Variants in SUGCT observed in about 807,000 individuals in gnomAD.
The protein encoded by SUGCT is succinyl-CoA:glutarate-CoA transferase, also known as succinyl-CoA:glutarate CoA-transferase.
Under a neutral mutation model 55.0 loss-of-function variants are expected in SUGCT, and 41 were observed. The observed-to-expected ratio is 0.74, with a 90% CI of 0.58 to 0.97. SUGCT has a LOEUF of 0.97. Among genes scored for constraint, SUGCT ranks in the 50% least tolerant of loss-of-function variants. The pLI is 0.00. For synonymous variants in SUGCT, 187 were observed against 200.4 expected, an observed-to-expected ratio of 0.93 and a Z score of 0.56; for missense variants, 568 against 547.8, an observed-to-expected ratio of 1.04 and a Z score of -0.37.
intron 13 of SUGCT, among the ~76,000 whole-genome samples, chr7:40,777,342 C>T (rs774013549): frequency 2.0e-5 from 3 of 151,876 alleles, no homozygotes; most frequent in Non-Finnish European, 4.4e-5. Flanking sequence ...CCATGGGCAT[C>T]GGGATCAACT....
chr7:40,258,385 T>C, intron 7 of SUGCT, among the ~76,000 whole-genome samples: 1 of 152,186 alleles, frequency 6.6e-6, no homozygotes, highest in Non-Finnish European at 1.5e-5. Context: ...GTTTTTAATT[T>C]TTTTTCTTTT....
At chr7:40,666,988 G>C (rs1381380332) in intron 12 of SUGCT, among the ~76,000 whole-genome samples, 1 of 151,686 alleles carries the variant, frequency 6.6e-6, no homozygotes, top group Non-Finnish European at 1.5e-5. Context: ...GGGGTTGCAC[G>C]CCTGTGATCC....
At chr7:40,551,305 G>A (rs186559695) in intron 12 of SUGCT, among the ~76,000 whole-genome samples, 202 of 152,222 alleles carry the variant, frequency 1.3e-3, no homozygotes, top group Non-Finnish European at 1.6e-3. Context: ...TGAATATAAC[G>A]TTCTATTTAT....
At chr7:40,148,418 G>A (rs1158032109) in intron 1 of SUGCT, among the ~76,000 whole-genome samples, 1 of 152,136 alleles carries the variant, frequency 6.6e-6, no homozygotes, top group African/African-American at 2.4e-5. Flanking sequence ...GCTGAGGTGG[G>A]CGGATCACCT....
chr7:40,513,797 T>TC (rs1038170495), intron 12 of SUGCT, among the ~76,000 whole-genome samples: 1 of 147,968 alleles, frequency 6.8e-6, no homozygotes, highest in African/African-American at 2.5e-5. Flanking sequence ...TTTTTTTTTT[T>TC]TTTTTTTTTG....
intron 9 of SUGCT, among the ~76,000 whole-genome samples, chr7:40,407,113 AAAC>A (rs1786413280): frequency 6.6e-6 from 1 of 152,214 alleles, no homozygotes. Context: ...ACAACAAAGA[AAAC>A]AAAATATGAA....
intron 6 of SUGCT, among the ~76,000 whole-genome samples, chr7:40,226,612 G>A (rs553819037): frequency 1.3e-5 from 2 of 150,902 alleles, no homozygotes; most frequent in Non-Finnish European, 2.9e-5. Flanking sequence ...CAGGTGTAGG[G>A]TATCCAAAGT....
intron 9 of SUGCT, among the ~76,000 whole-genome samples, chr7:40,443,836 T>C (rs1261196482): frequency 6.6e-6 from 1 of 152,212 alleles, no homozygotes; most frequent in Non-Finnish European, 1.5e-5. Context: ...TGTTTTCTTC[T>C]AGGGTTTTTA....
intron 12 of SUGCT, among the ~76,000 whole-genome samples, chr7:40,717,251 G>A (rs1245143913): frequency 6.6e-6 from 1 of 152,180 alleles, no homozygotes; most frequent in Non-Finnish European, 1.5e-5. Context: ...ACACGACCAG[G>A]AAAGATTAGG....
At chr7:40,783,808 T>C (rs1257381963) in intron 13 of SUGCT, among the ~76,000 whole-genome samples, 2 of 152,208 alleles carry the variant, frequency 1.3e-5, no homozygotes, top group Non-Finnish European at 2.9e-5. Flanking sequence ...CTCTAAACTT[T>C]AGACATTTCT....
intron 12 of SUGCT, among the ~76,000 whole-genome samples, chr7:40,601,285 T>C (rs1259258079): frequency 6.6e-6 from 1 of 152,190 alleles, no homozygotes; most frequent in Non-Finnish European, 1.5e-5. Context: ...TTACCTTTTG[T>C]CTTGTATTGA....
intron 8 of SUGCT, among the ~76,000 whole-genome samples, chr7:40,300,922 G>T (rs1214320196): frequency 6.6e-6 from 1 of 152,160 alleles, no homozygotes; most frequent in African/African-American, 2.4e-5. Context: ...GTGAAGTGAT[G>T]GCCATAAAAT....
intron 9 of SUGCT, among the ~76,000 whole-genome samples, chr7:40,385,887 C>T (rs1785096974): frequency 6.6e-6 from 1 of 152,184 alleles, no homozygotes; most frequent in Admixed American, 6.5e-5. Flanking sequence ...AAAGTCCTTT[C>T]TTGCCAATTT....
At chr7:40,411,040 T>TA (rs1194101357) in intron 9 of SUGCT, among the ~76,000 whole-genome samples, 1 of 152,082 alleles carries the variant, frequency 6.6e-6, no homozygotes, top group South Asian at 2.1e-4. Context: ...CTGATTAAGC[T>TA]AAAAAAATAT....
chr7:40,264,522 G>A (rs529134586), intron 7 of SUGCT, among the ~76,000 whole-genome samples: 10 of 152,200 alleles, frequency 6.6e-5, no homozygotes, highest in Non-Finnish European at 1.3e-4. Context: ...TGCAGTGACT[G>A]TGAGGACTCA....
chr7:40,990,148 G>A, the SUGCT span, among the ~76,000 whole-genome samples: 7 of 152,176 alleles, frequency 4.6e-5, no homozygotes, highest in African/African-American at 1.7e-4. Flanking sequence ...TAAATAACAA[G>A]ACTTGGAAGT....
chr7:40,646,067 T>C (rs1357844804), intron 12 of SUGCT, among the ~76,000 whole-genome samples: 2 of 152,210 alleles, frequency 1.3e-5, no homozygotes, highest in Non-Finnish European at 1.5e-5. Context: ...TTTTCTCAAG[T>C]CTATCCTTAT....
At position 40,392,421 on chromosome 7, in the gene SUGCT, G is replaced by T. The variant is rs181262153; in HGVS notation, c.817-56866G>T. 1.8e-3 allele frequency among the ~76,000 whole-genome samples: 274 copies of T among 152,242 alleles called. 1 individual carries two copies. Among genetic ancestry groups the T allele is most frequent in the Admixed American group, 3.5e-3 (53 of 15,286 alleles). On this transcript the variant is annotated intron_variant, in intron 9 of 13. Coordinates refer to ENST00000335693, the MANE Select transcript of SUGCT (RefSeq NM_001193313.2). ...GGATTCATGAATCTTAAAGTATATG[G>T]GTTAGCTAAAGCTATAGAGGCGGGT...
chr7:41,025,944 A>G, the SUGCT span, among the ~76,000 whole-genome samples: 72,945 of 151,982 alleles, frequency 0.48, 17,863 homozygotes, highest in South Asian at 0.63. Flanking sequence ...TGTAAGTCCC[A>G]GAGCAGTCAA....
Sources: gnomAD v4.1 joint callset for allele counts (sites outside exome capture counted in the v4.1 genomes callset) on GRCh38, gnomAD v4.1.1 for gene constraint, MANE v1.5 for transcripts, NCBI Gene and HGNC (gene_info 2026-07-23, HGNC 2026-07-21) for gene names.